GOLGA7B: variants seen among roughly 807,000 people sequenced by gnomAD.
The protein encoded by GOLGA7B is golgin subfamily A member 7B.
In GOLGA7B, 17 loss-of-function variants were observed where a neutral mutation model predicts 21.5. That is an observed-to-expected ratio of 0.79 (90% confidence interval 0.54 to 1.19). GOLGA7B has a LOEUF of 1.19. Among genes scored for constraint, GOLGA7B ranks in the 50% most tolerant of loss-of-function variants. The pLI is 0.00. For synonymous variants in GOLGA7B, 87 were observed against 84.0 expected (o/e 1.04, Z -0.19); for missense variants, 169 against 224.4 (o/e 0.75, Z 1.58).
At chr10:97,852,197 G>A (rs2049909483) in intron 1 of GOLGA7B, among the ~76,000 whole-genome samples, 1 of 152,214 alleles carries the variant, frequency 6.6e-6, no homozygotes, top group Admixed American at 6.5e-5. Flanking sequence ...TGCCTCTTTG[G>A]CCAGTGCTTT....
At chr10:97,863,780 C>A (rs968414258) in intron 2 of GOLGA7B, 150 bp from the exon 3 acceptor site, 5 of 815,484 alleles carry the variant, frequency 6.1e-6, no homozygotes, top group Non-Finnish European at 9.5e-6. Context: ...AGTGCTCTTT[C>A]GGCTCTGCCT....
Position 97,863,916 on chromosome 10 carries a change from G to A in GOLGA7B, c.139-14G>A. 2 of 1,606,240 alleles carry A rather than the reference G, an allele frequency of 1.2e-6. No homozygotes were observed. The highest frequency in any genetic ancestry group is 1.7e-6 in the Non-Finnish European group (2 of 1,175,794). ...GGGAGGCTAACCGCAGCCTGGCTCT[G>A]TCCCTTTCTCCAGATCGAGCGGCAG... On this transcript the variant is annotated splice_polypyrimidine_tract_variant and intron_variant, in intron 2 of 4. Coordinates refer to ENST00000370602, the MANE Select transcript of GOLGA7B (RefSeq NM_001010917.3).
chr10:97,861,989 G>A (rs1368584013), intron 2 of GOLGA7B, among the ~76,000 whole-genome samples: 1 of 152,240 alleles, frequency 6.6e-6, no homozygotes, highest in East Asian at 1.9e-4. Context: ...CCTAAACTGT[G>A]TGATGAGCAT....
intron 2 of GOLGA7B, among the ~76,000 whole-genome samples, chr10:97,862,783 C>T (rs981720940): frequency 3.3e-5 from 5 of 151,962 alleles, no homozygotes; most frequent in Admixed American, 1.3e-4. Context: ...GAGGATGTCA[C>T]GGGGGTTGGG....
At chr10:97,850,750 C>A (rs942755741) in intron 1 of GOLGA7B, among the ~76,000 whole-genome samples, 1 of 152,196 alleles carries the variant, frequency 6.6e-6, no homozygotes, top group Non-Finnish European at 1.5e-5. Flanking sequence ...ACCTCTACAT[C>A]CGCATTTCCT....
At chr10:97,851,257 C>T (rs796721557) in intron 1 of GOLGA7B, among the ~76,000 whole-genome samples, 4 of 152,246 alleles carry the variant, frequency 2.6e-5, no homozygotes, top group African/African-American at 9.6e-5. Flanking sequence ...TGTTGACTTC[C>T]TTTGTGGTGT....
intron 1 of GOLGA7B, among the ~76,000 whole-genome samples, chr10:97,852,098 T>A (rs2049909113): frequency 6.6e-6 from 1 of 152,334 alleles, no homozygotes; most frequent in Middle Eastern, 3.4e-3. Flanking sequence ...CATTATCCCA[T>A]TTTACAGATG....
intron 1 of GOLGA7B, among the ~76,000 whole-genome samples, chr10:97,856,484 A>T (rs1310402611): frequency 6.6e-6 from 1 of 152,114 alleles, no homozygotes; most frequent in Non-Finnish European, 1.5e-5. Flanking sequence ...TCAAGTGTTG[A>T]TGGTTGTTAC....
At chr10:97,862,695 A>C (rs1345505196) in intron 2 of GOLGA7B, among the ~76,000 whole-genome samples, 1 of 152,294 alleles carries the variant, frequency 6.6e-6, no homozygotes, top group Admixed American at 6.5e-5. Flanking sequence ...GGACCCACAC[A>C]GTTCAGACCC....
intron 2 of GOLGA7B, among the ~76,000 whole-genome samples, 181 bp from the exon 3 acceptor site, chr10:97,863,749 C>G (rs41302723): frequency 6.6e-6 from 1 of 152,226 alleles, no homozygotes. Flanking sequence ...CTGGCCCCCC[C>G]AGTCTCCTGA....
intron 2 of GOLGA7B, among the ~76,000 whole-genome samples, chr10:97,863,312 G>C (rs150775333): frequency 1.3e-5 from 2 of 152,298 alleles, no homozygotes; most frequent in East Asian, 1.9e-4. Flanking sequence ...CTGGCACACA[G>C]AAAGTGCTTA....
In GOLGA7B at chr10:97,868,756, C is replaced by A. The variant is rs1454402247; in HGVS notation, c.*3056C>A. On this transcript the variant is annotated 3_prime_UTR_variant, in exon 5 of 5. Coordinates refer to ENST00000370602, the MANE Select transcript of GOLGA7B (RefSeq NM_001010917.3). ...ACTCAGCTCTTCTAGAGATGAGGTC[C>A]TGGGGAGGGGGTGAGGATTTACTAA... 6.6e-6 allele frequency: 1 copy of A among 152,180 alleles called. No homozygotes were observed. Among genetic ancestry groups the A allele is most frequent in the Non-Finnish European group, 1.5e-5 (1 of 68,024 alleles). 9.4% of individuals were successfully genotyped at this position (152,180 alleles called of 1,614,324 possible).
rs1303405931 is a variant in GOLGA7B, at chr10:97,864,216, T to C, written c.340T>C (p.Phe114Leu). The part of the protein sequence containing the change: ...RYIQEQNEKI[F>L]APRGLLLTDP... ...CATCCAGGAGCAGAATGAGAAGATC[T>C]TTGCACCTCGAGGCCTCCTACTTAC... The change falls in exon 4 of 5, where the codon TTT (phenylalanine) becomes CTT (leucine). Residue 114 changes from phenylalanine to leucine, a missense_variant. Coordinates refer to ENST00000370602, the MANE Select transcript of GOLGA7B (RefSeq NM_001010917.3). The C allele has an allele frequency of 2.5e-6, 4 of 1,614,070 alleles. No homozygotes were observed. The African/African-American group carries it at 5.3e-5, about 22-fold the overall frequency.
intron 1 of GOLGA7B, among the ~76,000 whole-genome samples, chr10:97,850,828 T>C (rs1036007480): frequency 1.3e-5 from 2 of 151,916 alleles, no homozygotes; most frequent in Non-Finnish European, 2.9e-5. Context: ...CACTTTTGCA[T>C]ATCACCCTTC....
Position 97,865,595 on chromosome 10 carries a change from G to A in GOLGA7B, c.399G>A (p.Glu133=). 1 of 1,613,426 alleles carries A rather than the reference G, an allele frequency of 6.2e-7. No homozygotes were observed. Among genetic ancestry groups the A allele is most frequent in the Non-Finnish European group, 8.5e-7 (1 of 1,179,442 alleles). ...TCCTTAACCACCGACCCCAGATTGAGATCTCCATCTACGAGGACCGGTGCA... is the reference window on the plus strand; with the variant it reads ...TCCTTAACCACCGACCCCAGATTGAAATCTCCATCTACGAGGACCGGTGCA... ...DPVERGMRVI[E]ISIYEDRCSS... is the part of the protein sequence containing the mutation. Residue 133 remains glutamate, a synonymous_variant, in exon 5 of 5, where the codon GAG becomes GAA. Transcript: ENST00000370602.
intron 2 of GOLGA7B, 67 bp downstream of exon 2, chr10:97,859,650 T>C (rs1272573777): frequency 1.3e-6 from 2 of 1,552,030 alleles, no homozygotes; most frequent in South Asian, 1.2e-5. Context: ...TATTGGAATG[T>C]ATTTTATCCA....
In GOLGA7B at chr10:97,859,469, G is replaced by A. The variant is rs1405401497; in HGVS notation, c.24G>A (p.Leu8=). The change falls in exon 2 of 5, where the codon CTG becomes CTA. Residue 8 remains leucine (L), a synonymous_variant. Coordinates refer to ENST00000370602, the MANE Select transcript of GOLGA7B (RefSeq NM_001010917.3). MATEVHN[L]QELRRSASLA... ...GCACGTCTCCTCAGGTCCACAATCT[G>A]CAGGAGCTCCGGCGAAGTGCCTCAC... The A allele has an allele frequency of 1.2e-6, 2 of 1,614,124 alleles. No homozygotes were observed. The highest frequency in any genetic ancestry group is 1.7e-6 in the Non-Finnish European group (2 of 1,180,004).
intron 1 of GOLGA7B, among the ~76,000 whole-genome samples, chr10:97,855,047 C>A (rs1198311640): frequency 6.6e-6 from 1 of 152,204 alleles, no homozygotes; most frequent in Non-Finnish European, 1.5e-5. Flanking sequence ...CATAGGGACA[C>A]ACCTAACTGC....
rs372549774 is a variant in GOLGA7B, at chr10:97,870,302, G to A, written c.*4602G>A. 1 of 152,138 alleles carries A rather than the reference G, an allele frequency of 6.6e-6. No individual in the cohort carries two copies. The highest frequency in any genetic ancestry group is 2.4e-5 in the African/African-American group (1 of 41,414). The allele number at this position is 152,138 out of a possible 1,614,324, so 9.4% of individuals were successfully genotyped here. The stretch of plus-strand genomic sequence containing the variant: ...CTTTAATACACCTCTGAAAATGCCT[G>A]AGACCTGAATAAGAAGTTTATGGTT... On this transcript the variant is annotated 3_prime_UTR_variant, in exon 5 of 5. Transcript: ENST00000370602.
Sources: allele counts gnomAD v4.1 joint callset (sites outside exome capture counted in the v4.1 genomes callset), GRCh38; gene constraint gnomAD v4.1.1; transcripts MANE v1.5; gene names NCBI Gene and HGNC (gene_info 2026-07-23, HGNC 2026-07-21).